Variants in ARHGEF18 observed in about 807,000 individuals in gnomAD.
The protein encoded by ARHGEF18 is rho guanine nucleotide exchange factor 18.
Under a neutral mutation model 155.7 loss-of-function variants are expected in ARHGEF18, and 93 were observed. That is an observed-to-expected ratio of 0.60 (90% CI 0.50 to 0.71). ARHGEF18 has a LOEUF of 0.71. ARHGEF18 is among the 30% of genes least tolerant of loss of function. ARHGEF18 has a pLI of 0.00. For missense variants in ARHGEF18, 1,593 were observed against 1,816.1 expected (o/e 0.88, Z 2.23); for synonymous variants, 742 against 753.1 (o/e 0.99, Z 0.24).
chr19:7,355,811 T>C (rs77845200), intron 1 of ARHGEF18: 609,031 of 643,672 alleles, frequency 0.95, 288,419 homozygotes, highest in East Asian at 0.97. Context: ...GTACAGACTC[T>C]GCTGGCATCG....
At chr19:7,358,959 T>C (rs996532663) in intron 1 of ARHGEF18, among the ~76,000 whole-genome samples, 2 of 152,202 alleles carry the variant, frequency 1.3e-5, no homozygotes, top group African/African-American at 2.4e-5. Flanking sequence ...CTCTAGAGCA[T>C]GGATCAGCAA....
Position 7,469,033 on chromosome 19 carries a change from C to T in ARHGEF18, c.3689C>T (p.Ala1230Val). The T allele has an allele frequency of 6.2e-7, 1 of 1,601,792 alleles. No individual in the cohort carries two copies. The highest frequency in any genetic ancestry group is 8.5e-7 in the Non-Finnish European group (1 of 1,175,444). ...ACCAACCAGTTCCAGAGGCAGGCGG[C>T]CGTGCAGCAGCAGATCCCCACCAAG... Reference protein sequence around the residue: ...SATNQFQRQAAVQQQIPTKLA... With the variant: ...SATNQFQRQAVVQQQIPTKLA... The change falls in exon 27 of 29, where the codon GCC (alanine) becomes GTC (valine). Residue 1230 changes from alanine to valine, a missense_variant. Ala to Val is a moderately conservative substitution (Grantham distance 64, BLOSUM62 0). Coordinates refer to ENST00000668164, the MANE Select transcript of ARHGEF18 (RefSeq NM_001367823.1).
chr19:7,357,302 T>C (rs74352882), intron 1 of ARHGEF18, among the ~76,000 whole-genome samples: 143,828 of 152,264 alleles, frequency 0.94, 67,985 homozygotes, highest in Middle Eastern at 0.99. Flanking sequence ...CCAAAGTGTC[T>C]GCCTGTGACC....
intron 2 of ARHGEF18, among the ~76,000 whole-genome samples, chr19:7,366,890 G>A (rs540150510): frequency 6.6e-6 from 1 of 151,776 alleles, no homozygotes; most frequent in Non-Finnish European, 1.5e-5. Context: ...AGTTTCCAGA[G>A]TAGCTGGGAC....
At chr19:7,367,977 A>AAGAGAGAGAGAGAGAG (rs537429456) in intron 2 of ARHGEF18, among the ~76,000 whole-genome samples, 10 of 66,782 alleles carry the variant, frequency 1.5e-4, no homozygotes, top group African/African-American at 7.6e-4. Context: ...AAAGGAAAGA[A>AAGAGAGAGAGAGAGAG]AGAGAGAGAG....
rs1343973248 is a variant in ARHGEF18 at position 7,369,473 on chromosome 19, GA to G, written c.16-3329del. On this transcript the variant is annotated intron_variant, in intron 2 of 28. Transcript: ENST00000668164. ...TGAAACTCCGTCTCAGGAAAAAAAA[GA>G]AAAAAAAAAGGAAAGAAAGAAAGGA... is the stretch of plus-strand genomic sequence containing the variant. 2.4e-4 allele frequency among the ~76,000 whole-genome samples: 33 copies of G among 140,098 alleles called. No individual in the cohort carries two copies. In the East Asian group the frequency reaches 6.1e-3, roughly 26 times the overall value. The allele number at this position is 140,098 out of a possible 152,430, so 91.9% of individuals were successfully genotyped here.
intron 13 of ARHGEF18, among the ~76,000 whole-genome samples, chr19:7,442,273 A>G (rs949748298): frequency 6.8e-6 from 1 of 147,644 alleles, no homozygotes; most frequent in Non-Finnish European, 1.5e-5. Context: ...GTCTCTCTCT[A>G]TTGCCCAGGC....
intron 23 of ARHGEF18, 82 bp from the exon 24 acceptor site, chr19:7,466,836 A>AAAAAAAGAAAAAAAAAAAGG (rs1555729790): frequency 9.2e-7 from 1 of 1,085,986 alleles, no homozygotes; most frequent in African/African-American, 1.8e-5. Flanking sequence ...AGTTAAAAAA[A>AAAAAAAGAAAAAAAAAAAGG]AAGAAGAAGA....
chr19:7,426,306 G>A (rs1973657187), intron 10 of ARHGEF18, among the ~76,000 whole-genome samples: 1 of 152,010 alleles, frequency 6.6e-6, no homozygotes. Flanking sequence ...TGGCCAACAT[G>A]ATGAAACCTG....
In ARHGEF18 at chr19:7,441,942, T is replaced by C. The variant is rs780060643; in HGVS notation, c.1250T>C (p.Ile417Thr). ...TACACCGCCTCGCTGAGGAGTGAGA[T>C]TGAGTCAGACGGCCACGAGTTTGAA... ...DPYTASLRSE[I>T]ESDGHEFEAE... Residue 417 changes from isoleucine to threonine, a missense_variant, in exon 13 of 29, where the codon ATT (isoleucine) becomes ACT (threonine). Coordinates refer to ENST00000668164, the MANE Select transcript of ARHGEF18 (RefSeq NM_001367823.1). The C allele has an allele frequency of 1.3e-5, 21 of 1,614,058 alleles. No individual in the cohort carries two copies. The East Asian group carries it at 4.7e-4, about 36-fold the overall frequency.
At chr19:7,362,067 GA>G (rs1177689147) in intron 1 of ARHGEF18, among the ~76,000 whole-genome samples, 1 of 29,692 alleles carries the variant, frequency 3.4e-5, no homozygotes, top group Non-Finnish European at 6.2e-5. Context: ...AGGAGAAGGA[GA>G]AGGAGAAGGA....
intron 1 of ARHGEF18, among the ~76,000 whole-genome samples, chr19:7,358,035 C>A (rs376728557): frequency 6.6e-5 from 10 of 152,246 alleles, no homozygotes; most frequent in Middle Eastern, 3.4e-3. Flanking sequence ...TGCATCGCTG[C>A]CTCTGGACAC....
intron 1 of ARHGEF18, among the ~76,000 whole-genome samples, chr19:7,357,273 G>C (rs774779184): frequency 6.6e-6 from 1 of 152,198 alleles, no homozygotes; most frequent in Non-Finnish European, 1.5e-5. Context: ...TGAAGAATCA[G>C]TGTATCTGCC....
At chr19:7,453,212 C>G (rs573584168) in intron 16 of ARHGEF18, among the ~76,000 whole-genome samples, 44 of 151,946 alleles carry the variant, frequency 2.9e-4, no homozygotes, top group African/African-American at 8.9e-4. Flanking sequence ...CCCTCCCCCC[C>G]CCAAAAAAAA....
At chr19:7,385,933 TCTCCCCCTCTCCCTCTCTCTCTCTCC>T (rs1971035283) in intron 10 of ARHGEF18, among the ~76,000 whole-genome samples, 1 of 79,482 alleles carries the variant, frequency 1.3e-5, no homozygotes, top group Admixed American at 1.5e-4. Context: ...TCTCTCTCTC[TCTCCCCCTCTCCCTCTCTCTCTCTCC>T]CTCCCCCTCT....
At chr19:7,428,164 A>C (rs574078253) in intron 10 of ARHGEF18, among the ~76,000 whole-genome samples, 1 of 152,176 alleles carries the variant, frequency 6.6e-6, no homozygotes, top group Non-Finnish European at 1.5e-5. Flanking sequence ...GTGAAACTGA[A>C]TGGGGGTGGG....
At position 7,466,908 on chromosome 19, in the gene ARHGEF18, C is replaced by T; in HGVS notation, c.2905-10C>T. The T allele has an allele frequency of 6.2e-7, 1 of 1,612,660 alleles. No individual in the cohort carries two copies. The highest frequency in any genetic ancestry group is 8.5e-7 in the Non-Finnish European group (1 of 1,179,600). On this transcript the variant is annotated splice_polypyrimidine_tract_variant and intron_variant, in intron 23 of 28. Coordinates refer to ENST00000668164, the MANE Select transcript of ARHGEF18 (RefSeq NM_001367823.1). ...CCACTCTCTCTGGTTTGACGGTGTC[C>T]TCTTCCCAGGTGGAGGCGCCAGGCA...
Position 7,428,027 on chromosome 19 carries a change from A to C in ARHGEF18, c.968-12317A>C, listed in dbSNP as rs182459576. On this transcript the variant is annotated intron_variant, in intron 10 of 28. Transcript: ENST00000668164. ...GAATAGAATAAGAGTAACAGAGTCA[A>C]ATCTCTGGGCAAACATGTACAGAAC... Among the ~76,000 whole-genome samples, 7 of 152,320 alleles carry C rather than the reference A, an allele frequency of 4.6e-5. 1 individual carries two copies. Among genetic ancestry groups the C allele is most frequent in the Admixed American group, 3.9e-4 (6 of 15,292 alleles).
downstream of ARHGEF18, among the ~76,000 whole-genome samples, chr19:7,474,708 C>T (rs1977179426): frequency 6.6e-6 from 1 of 151,342 alleles, no homozygotes; most frequent in Non-Finnish European, 1.5e-5. Flanking sequence ...CAAATGCACA[C>T]AACATAAAAC....
Sources: allele counts gnomAD v4.1 joint callset (sites outside exome capture counted in the v4.1 genomes callset), GRCh38; gene constraint gnomAD v4.1.1; transcripts MANE v1.5; gene names NCBI Gene and HGNC (gene_info 2026-07-23, HGNC 2026-07-21).